NRG1: variants seen among roughly 807,000 people sequenced by gnomAD.
NRG1 encodes the protein neuregulin 1, also known as pro-neuregulin-1, membrane-bound isoform.
A neutral mutation model predicts 63.8 loss-of-function variants in NRG1; 18 were observed. The ratio of observed to expected loss-of-function variants is 0.28; its 90% CI spans 0.19 to 0.42. The LOEUF (loss-of-function observed/expected upper bound fraction) is 0.42, where lower values mean the gene tolerates loss of function less well. Ranked by LOEUF, NRG1 falls within the 10% of genes least tolerant of loss-of-function variation. NRG1 has a pLI of 1.00. For synonymous variants in NRG1, 302 were observed against 301.3 expected, an observed-to-expected ratio of 1.00 and a Z score of -0.02; for missense variants, 762 against 814.7, an observed-to-expected ratio of 0.94 and a Z score of 0.79.
intron 1 of NRG1, among the ~76,000 whole-genome samples, chr8:32,391,603 G>T (rs185094649): frequency 6.6e-6 from 1 of 152,282 alleles, no homozygotes; most frequent in East Asian, 1.9e-4. Context: ...TTAAAAGTGA[G>T]AATATGTGGT....
chr8:32,571,668 A>C (rs1003399683), intron 1 of NRG1, among the ~76,000 whole-genome samples: 2 of 151,636 alleles, frequency 1.3e-5, no homozygotes, highest in Non-Finnish European at 2.9e-5. Context: ...AAACACCTCC[A>C]TTCCTCTTGC....
At chr8:32,755,166 T>C (rs534094527) in intron 8 of NRG1, among the ~76,000 whole-genome samples, 1 of 152,258 alleles carries the variant, frequency 6.6e-6, no homozygotes, top group East Asian at 1.9e-4. Context: ...AACATTAGAA[T>C]AGATTTGGGT....
intron 1 of NRG1, among the ~76,000 whole-genome samples, chr8:32,398,478 T>C (rs1207403560): frequency 6.6e-6 from 1 of 151,992 alleles, no homozygotes; most frequent in Non-Finnish European, 1.5e-5. Context: ...TGGTGCAATC[T>C]TGGCTCACTG....
At position 32,237,269 on chromosome 8, in the gene NRG1, A is replaced by C. The variant is rs538056833; in HGVS notation, c.38-358559A>C. Among the ~76,000 whole-genome samples, 18 of 152,248 alleles carry C rather than the reference A, an allele frequency of 1.2e-4. No individual in the cohort carries two copies. The South Asian group carries it at 3.7e-3, about 32-fold the overall frequency. On this transcript the variant is annotated intron_variant, in intron 1 of 10. Transcript: ENST00000519301. Reference sequence around the variant, plus strand: ...AGAGCAAAACATATTGCAAAGCTCTATATGTTTCCTGCTAGATATATTTCG... The same window carrying C: ...AGAGCAAAACATATTGCAAAGCTCTCTATGTTTCCTGCTAGATATATTTCG...
intron 1 of NRG1, among the ~76,000 whole-genome samples, chr8:32,267,907 G>A (rs1023546328): frequency 2.0e-5 from 3 of 152,142 alleles, no homozygotes; most frequent in Admixed American, 6.5e-5. Context: ...AATGGTCCCC[G>A]TGATCCCTGA....
intron 1 of NRG1, among the ~76,000 whole-genome samples, chr8:31,754,854 G>A (rs1816812415): frequency 6.6e-6 from 1 of 152,054 alleles, no homozygotes. Flanking sequence ...AAACTTCCTA[G>A]TAATGATTCT....
At chr8:32,744,651 G>T (rs1827103510) in intron 7 of NRG1, among the ~76,000 whole-genome samples, 1 of 152,086 alleles carries the variant, frequency 6.6e-6, no homozygotes, top group East Asian at 1.9e-4. Context: ...TGACAATTCT[G>T]ATCACTTAAT....
rs935479080 is a variant in NRG1, at chr8:32,009,153, T to C, written c.37+369722T>C. 2.6e-5 allele frequency among the ~76,000 whole-genome samples: 4 copies of C among 152,042 alleles called. No homozygotes were observed. The East Asian group carries it at 7.7e-4, about 29-fold the overall frequency. ...TCTACCTGTAAGATTCTTGAGAAAT[T>C]TGTGTTGTATAATATGACCGTATAT... is the stretch of plus-strand genomic sequence containing the variant. On this transcript the variant is annotated intron_variant, in intron 1 of 10. Coordinates refer to the NRG1 transcript ENST00000519301.
chr8:31,936,941 T>C (rs1032235852), intron 1 of NRG1, among the ~76,000 whole-genome samples: 12 of 152,236 alleles, frequency 7.9e-5, no homozygotes, highest in African/African-American at 2.2e-4. Context: ...AGATTACATA[T>C]GTAAGATAAA....
At chr8:32,643,282 C>T (rs369286804) in intron 5 of NRG1, among the ~76,000 whole-genome samples, 4 of 152,268 alleles carry the variant, frequency 2.6e-5, no homozygotes, top group Non-Finnish European at 5.9e-5. Context: ...TGGGCTGGCA[C>T]GGTGACTGCT....
chr8:32,238,796 GT>G (rs929798507), intron 1 of NRG1, among the ~76,000 whole-genome samples: 3 of 152,118 alleles, frequency 2.0e-5, no homozygotes, highest in Admixed American at 2.0e-4. Context: ...AAGATAAGAG[GT>G]TTTTATTAAA....
chr8:32,725,251 C>T (rs1216099516), intron 5 of NRG1, among the ~76,000 whole-genome samples: 1 of 152,096 alleles, frequency 6.6e-6, no homozygotes, highest in Non-Finnish European at 1.5e-5. Flanking sequence ...CAATCTTTAG[C>T]AACCTGTCAG....
At chr8:32,594,826 C>T (rs1843085393) in intron 1 of NRG1, among the ~76,000 whole-genome samples, 1 of 152,144 alleles carries the variant, frequency 6.6e-6, no homozygotes, top group Non-Finnish European at 1.5e-5. Context: ...TAGTGGTCAT[C>T]TGGAATGGTC....
intron 1 of NRG1, among the ~76,000 whole-genome samples, chr8:32,414,171 C>A (rs1815527251): frequency 6.6e-6 from 1 of 152,084 alleles, no homozygotes; most frequent in Admixed American, 6.6e-5. Flanking sequence ...GACTCAGAGT[C>A]TTCCTCTAAG....
At chr8:32,189,103 CTG>C (rs1842239655) in intron 1 of NRG1, among the ~76,000 whole-genome samples, 1 of 152,040 alleles carries the variant, frequency 6.6e-6, no homozygotes, top group African/African-American at 2.4e-5. Context: ...GTAAGATAAC[CTG>C]TGTTTTTCTT....
intron 1 of NRG1, among the ~76,000 whole-genome samples, chr8:32,516,106 A>G (rs1310707025): frequency 2.0e-5 from 3 of 152,148 alleles, no homozygotes; most frequent in African/African-American, 7.2e-5. Flanking sequence ...GCAGCAGTCC[A>G]ATTTTTCTTC....
chr8:31,791,420 T>C (rs1014135110), intron 1 of NRG1, among the ~76,000 whole-genome samples: 3 of 152,114 alleles, frequency 2.0e-5, no homozygotes, highest in African/African-American at 4.8e-5. Flanking sequence ...ATTAACACCA[T>C]AGGGAAATAG....
intron 1 of NRG1, among the ~76,000 whole-genome samples, chr8:32,005,735 G>C (rs1258713206): frequency 6.6e-6 from 1 of 151,752 alleles, no homozygotes; most frequent in Non-Finnish European, 1.5e-5. Flanking sequence ...GTTCAGCGAG[G>C]TGAGTGTTAA....
intron 1 of NRG1, among the ~76,000 whole-genome samples, chr8:31,820,015 C>T (rs927559703): frequency 3.9e-5 from 6 of 152,074 alleles, no homozygotes; most frequent in Non-Finnish European, 7.3e-5. Flanking sequence ...TGCAAGATAT[C>T]GGGAGAAAAG....
Sources: gnomAD v4.1 joint callset for allele counts (sites outside exome capture counted in the v4.1 genomes callset) on GRCh38, gnomAD v4.1.1 for gene constraint, MANE v1.5 for transcripts, NCBI Gene and HGNC (gene_info 2026-07-23, HGNC 2026-07-21) for gene names.